Variants in CTNNA3 observed in about 807,000 individuals in gnomAD.
CTNNA3 encodes the protein catenin alpha-3.
In CTNNA3, 76 loss-of-function variants were observed where a neutral mutation model predicts 95.7. The observed-to-expected ratio is 0.79, with a 90% CI of 0.66 to 0.96. The LOEUF is 0.96. CTNNA3 is among the 40% of genes least tolerant of loss of function. The pLI is 0.00. For missense variants in CTNNA3, 1,191 were observed against 1,089.8 expected (o/e 1.09, Z -1.31); for synonymous variants, 431 against 374.4 (o/e 1.15, Z -1.74).
At chr10:67,462,156 CA>C (rs541183147) in intron 5 of CTNNA3, among the ~76,000 whole-genome samples, 128 of 152,256 alleles carry the variant, frequency 8.4e-4, no homozygotes, top group African/African-American at 2.8e-3. Flanking sequence ...GCCATTCTAG[CA>C]GGTGTTATAA....
chr10:67,554,371 C>CACT (rs1249417668), intron 3 of CTNNA3, among the ~76,000 whole-genome samples: 1 of 152,174 alleles, frequency 6.6e-6, no homozygotes, highest in Non-Finnish European at 1.5e-5. Context: ...TTTACAGTCC[C>CACT]AACAGTGTAA....
At chr10:67,172,464 A>G (rs1214985179) in intron 7 of CTNNA3, among the ~76,000 whole-genome samples, 1 of 152,174 alleles carries the variant, frequency 6.6e-6, no homozygotes, top group African/African-American at 2.4e-5. Context: ...AATCTGTCAG[A>G]AAAATGTGTT....
chr10:67,190,795 A>G (rs928544921), intron 6 of CTNNA3, among the ~76,000 whole-genome samples: 5 of 152,002 alleles, frequency 3.3e-5, no homozygotes, highest in African/African-American at 9.7e-5. Flanking sequence ...AGACATCAAG[A>G]GAGTGAAAAA....
At chr10:67,396,929 C>A (rs1844727836) in intron 5 of CTNNA3, among the ~76,000 whole-genome samples, 2 of 152,156 alleles carry the variant, frequency 1.3e-5, no homozygotes, top group South Asian at 4.1e-4. Flanking sequence ...TTCCCCTTCG[C>A]CATGTTGTAA....
chr10:66,531,642 A>T (rs1382410150), intron 10 of CTNNA3, among the ~76,000 whole-genome samples: 1 of 152,202 alleles, frequency 6.6e-6, no homozygotes, highest in Non-Finnish European at 1.5e-5. Flanking sequence ...AGAATTTACA[A>T]TTTTGTTGAA....
chr10:66,444,516 C>T (rs879377889), intron 11 of CTNNA3, among the ~76,000 whole-genome samples: 31 of 151,760 alleles, frequency 2.0e-4, no homozygotes, highest in Admixed American at 3.9e-4. Flanking sequence ...TGGGGGCCAA[C>T]ATTTCACATT....
chr10:66,018,246 T>C (rs1306171419), intron 15 of CTNNA3, among the ~76,000 whole-genome samples: 1 of 145,508 alleles, frequency 6.9e-6, no homozygotes, highest in East Asian at 2.0e-4. Context: ...AAAGAATAAG[T>C]GCAGAAGTAT....
At chr10:66,624,536 G>A (rs532979542) in intron 9 of CTNNA3, among the ~76,000 whole-genome samples, 1 of 152,272 alleles carries the variant, frequency 6.6e-6, no homozygotes, top group Non-Finnish European at 1.5e-5. Context: ...TGCAGGGGAT[G>A]GGATACAAAC....
intron 2 of CTNNA3, among the ~76,000 whole-genome samples, chr10:67,647,176 ATT>A (rs1039528540): frequency 7.3e-5 from 10 of 137,630 alleles, no homozygotes; most frequent in Admixed American, 3.0e-4. Flanking sequence ...ATATATATAT[ATT>A]ATTACTGCTA....
At chr10:67,564,677 G>GTATATATATATA (rs71006151) in intron 3 of CTNNA3, among the ~76,000 whole-genome samples, 35 of 61,306 alleles carry the variant, frequency 5.7e-4, no homozygotes, top group South Asian at 6.9e-4. Context: ...GTGTGTGTGT[G>GTATATATATATA]TATATATATA....
At chr10:67,683,408 A>T (rs1840664708) in intron 1 of CTNNA3, among the ~76,000 whole-genome samples, 1 of 152,226 alleles carries the variant, frequency 6.6e-6, no homozygotes. Flanking sequence ...CACACAAGTC[A>T]TATAGAATGA....
intron 3 of CTNNA3, among the ~76,000 whole-genome samples, chr10:67,592,459 C>T (rs533665466): frequency 6.6e-5 from 10 of 151,864 alleles, no homozygotes; most frequent in South Asian, 6.3e-4. Flanking sequence ...TTCCACTCGC[C>T]GAACTATGGG....
chr10:65,924,634 A>G (rs552605681), intron 17 of CTNNA3, among the ~76,000 whole-genome samples: 1 of 147,344 alleles, frequency 6.8e-6, no homozygotes, highest in Admixed American at 6.9e-5. Context: ...GATGTCTTGC[A>G]GAACAAAATT....
intron 5 of CTNNA3, among the ~76,000 whole-genome samples, chr10:67,364,876 T>G (rs1417966825): frequency 6.6e-6 from 1 of 152,068 alleles, no homozygotes; most frequent in Non-Finnish European, 1.5e-5. Flanking sequence ...AAAACCTACT[T>G]TAAAATTCAT....
chr10:66,766,976 C>A (rs1465387660), intron 8 of CTNNA3, among the ~76,000 whole-genome samples: 1 of 152,020 alleles, frequency 6.6e-6, no homozygotes, highest in Middle Eastern at 3.2e-3. Flanking sequence ...CTTGCCCTCA[C>A]ACTTTAAATT....
intron 7 of CTNNA3, among the ~76,000 whole-genome samples, chr10:66,957,455 TGC>T (rs1484023775): frequency 2.4e-4 from 11 of 46,530 alleles, no homozygotes; most frequent in East Asian, 1.1e-3. Context: ...TATATATATA[TGC>T]ATATATATAT....
chr10:66,328,915 T>C (rs1294273519), intron 12 of CTNNA3, among the ~76,000 whole-genome samples: 1 of 116,376 alleles, frequency 8.6e-6, no homozygotes, highest in African/African-American at 3.1e-5. Flanking sequence ...TATATACATA[T>C]ATATATATAT....
At chr10:67,291,340 A>G (rs1180066582) in intron 5 of CTNNA3, among the ~76,000 whole-genome samples, 1 of 152,012 alleles carries the variant, frequency 6.6e-6, no homozygotes, top group Non-Finnish European at 1.5e-5. Flanking sequence ...CACAGAAGAG[A>G]TAGTTAACCT....
rs190078005 is a variant in CTNNA3, at chr10:67,195,175, G to A, written c.844-14655C>T. ...TTCCTGATAAATTGAGTATTATTTA[G>A]ACATATTGAGTCTGGGGAGCCATTA... is the stretch of plus-strand genomic sequence containing the variant. On this transcript the variant is annotated intron_variant, in intron 6 of 17. Coordinates refer to ENST00000433211, the MANE Select transcript of CTNNA3 (RefSeq NM_013266.4). Among the ~76,000 whole-genome samples, 41 of 152,134 alleles carry A rather than the reference G, an allele frequency of 2.7e-4. No individual in the cohort carries two copies. In the East Asian group the frequency reaches 7.1e-3, roughly 27 times the overall value.
Sources: gnomAD v4.1 joint callset for allele counts (sites outside exome capture counted in the v4.1 genomes callset) on GRCh38, gnomAD v4.1.1 for gene constraint, MANE v1.5 for transcripts, NCBI Gene and HGNC (gene_info 2026-07-23, HGNC 2026-07-21) for gene names.